The following TULP4 variants were observed in gnomAD, a reference collection of about 807,000 sequenced individuals.
The protein encoded by TULP4 is tubby-related protein 4.
TULP4 carries 16 observed loss-of-function variants against 129.0 expected under a neutral mutation model. The observed-to-expected ratio is 0.12, with a 90% CI of 0.08 to 0.19. TULP4 has a LOEUF of 0.19. TULP4 is among the 10% of genes least tolerant of loss of function. TULP4 has a pLI of 1.00. For missense variants in TULP4, 1,842 were observed against 2,059.1 expected (o/e 0.89, Z 2.04); for synonymous variants, 998 against 854.0 (o/e 1.17, Z -2.94).
At chr6:158,415,844 T>C (rs1403722986) in intron 2 of TULP4, among the ~76,000 whole-genome samples, 2 of 152,020 alleles carry the variant, frequency 1.3e-5, no homozygotes, top group Non-Finnish European at 2.9e-5. Flanking sequence ...AAAGGGAGTT[T>C]TTGAAGGAGA....
chr6:158,322,246 T>C (rs1404277645), intron 1 of TULP4, among the ~76,000 whole-genome samples: 1 of 152,240 alleles, frequency 6.6e-6, no homozygotes, highest in Admixed American at 6.5e-5. Context: ...AAAGTGACTT[T>C]TAGTAGATTT....
chr6:158,293,881 G>A (rs900641868), intron 1 of TULP4, among the ~76,000 whole-genome samples: 3 of 152,150 alleles, frequency 2.0e-5, no homozygotes, highest in East Asian at 1.9e-4. Flanking sequence ...GTTTCCCTGC[G>A]TTTGTCAATA....
At chr6:158,294,755 G>A (rs9346735) in intron 1 of TULP4, among the ~76,000 whole-genome samples, 52,649 of 151,354 alleles carry the variant, frequency 0.35, 9,720 homozygotes, top group Admixed American at 0.45. Flanking sequence ...TTTGAGACAG[G>A]GTCTGGCTCC....
intron 1 of TULP4, among the ~76,000 whole-genome samples, chr6:158,320,276 A>G (rs1278606807): frequency 1.3e-5 from 2 of 152,212 alleles, no homozygotes; most frequent in Non-Finnish European, 2.9e-5. Flanking sequence ...GTGGGCAGGT[A>G]TGTCAGGCAA....
At chr6:158,506,453 T>G (rs963741293) in intron 13 of TULP4, 125 bp from the exon 14 acceptor site, 6 of 732,466 alleles carry the variant, frequency 8.2e-6, no homozygotes, top group Middle Eastern at 2.9e-4. Flanking sequence ...GGGTGGTCTC[T>G]ATCTCCTGAC....
At chr6:158,378,975 A>T (rs781439069) in intron 1 of TULP4, among the ~76,000 whole-genome samples, 1 of 152,198 alleles carries the variant, frequency 6.6e-6, no homozygotes, top group African/African-American at 2.4e-5. Flanking sequence ...GAATGATGCC[A>T]CTTTAGAGCA....
At chr6:158,259,875 T>C (rs1362306148) in intron 1 of TULP4, among the ~76,000 whole-genome samples, 2 of 152,210 alleles carry the variant, frequency 1.3e-5, no homozygotes, top group African/African-American at 4.8e-5. Context: ...AAGAGACACA[T>C]AGGGCAAGAC....
At chr6:158,244,809 T>TA (rs1420816886) in intron 1 of TULP4, among the ~76,000 whole-genome samples, 1 of 152,100 alleles carries the variant, frequency 6.6e-6, no homozygotes, top group Non-Finnish European at 1.5e-5. Context: ...CTGGGCAACA[T>TA]AGCGAGACTT....
intron 6 of TULP4, among the ~76,000 whole-genome samples, chr6:158,471,955 AAC>A (rs1331205574): frequency 1.3e-5 from 2 of 152,120 alleles, no homozygotes; most frequent in Non-Finnish European, 2.9e-5. Flanking sequence ...CAAGTGCTGA[AAC>A]ACACTCAGCA....
chr6:158,243,847 G>GGTGTGTGT (rs57298904), intron 1 of TULP4, among the ~76,000 whole-genome samples: 2,309 of 143,560 alleles, frequency 0.016, 60 homozygotes, highest in African/African-American at 0.05. Context: ...AGCTGAAATA[G>GGTGTGTGT]GTGTGTGTGT....
At chr6:158,241,752 G>A (rs542312925) in intron 1 of TULP4, 4 of 423,200 alleles carry the variant, frequency 9.5e-6, no homozygotes, top group Admixed American at 7.1e-5. Flanking sequence ...GCACCATCAC[G>A]CCCAGCTAAT....
chr6:158,429,955 A>G, intron 3 of TULP4, 58 bp downstream of exon 3: 1 of 1,530,640 alleles, frequency 6.5e-7, no homozygotes, highest in South Asian at 1.3e-5. Context: ...GCTGGGAGGG[A>G]AGAAAGGGGC....
chr6:158,491,876 C>T (rs1263044053), intron 9 of TULP4, among the ~76,000 whole-genome samples: 2 of 141,596 alleles, frequency 1.4e-5, no homozygotes, highest in South Asian at 2.3e-4. Flanking sequence ...GTTGTTTTTT[C>T]GAGCTGGAGT....
At chr6:158,395,390 G>T (rs1777684125) in intron 1 of TULP4, among the ~76,000 whole-genome samples, 1 of 151,968 alleles carries the variant, frequency 6.6e-6, no homozygotes, top group African/African-American at 2.4e-5. Context: ...AGACCAGCCT[G>T]ACCAGCATGG....
intron 1 of TULP4, among the ~76,000 whole-genome samples, chr6:158,241,145 G>A (rs1430488583): frequency 2.9e-5 from 4 of 136,104 alleles, no homozygotes; most frequent in African/African-American, 1.0e-4. Flanking sequence ...CATCTCAGAC[G>A]ATGGGCGGCC....
At chr6:158,446,689 G>A (rs772988411) in intron 3 of TULP4, among the ~76,000 whole-genome samples, 3 of 152,168 alleles carry the variant, frequency 2.0e-5, no homozygotes, top group African/African-American at 2.4e-5. Flanking sequence ...TTAAACAACA[G>A]ACATTGAGTT....
At chr6:158,237,859 G>T in intron 1 of TULP4, 1 of 750,464 alleles carries the variant, frequency 1.3e-6, no homozygotes, top group Non-Finnish European at 2.5e-6. Context: ...CTCTGGATCT[G>T]CAAGTGAGTA....
rs374827236 is a variant in TULP4, at chr6:158,504,053, G to C, written c.4390G>C (p.Val1464Leu). 8 of 1,609,296 alleles carry C rather than the reference G, an allele frequency of 5.0e-6. No homozygotes were observed. In the South Asian group the frequency reaches 8.8e-5, roughly 18 times the overall value. ...CGGGCGGCTGGGCAGCCAAGGCTTCGTGTACGTGATGGCCAACAAGCAGCC... is the reference window on the plus strand; with the variant it reads ...CGGGCGGCTGGGCAGCCAAGGCTTCCTGTACGTGATGGCCAACAAGCAGCC... ...EDGRLGSQGFVYVMANKQPLW... is the reference protein window; with the variant it reads ...EDGRLGSQGFLYVMANKQPLW... The change falls in exon 13 of 14, where the codon GTG (valine) becomes CTG (leucine). Residue 1464 changes from valine to leucine, a missense_variant. Val to Leu is a conservative substitution (Grantham distance 32, BLOSUM62 1). Transcript: ENST00000367097.
At position 158,325,058 on chromosome 6, in the gene TULP4, G is replaced by A. The variant is rs554392346; in HGVS notation, c.252+10790G>A. Among the ~76,000 whole-genome samples the A allele has an allele frequency of 3.3e-5, 5 of 152,306 alleles. No homozygotes were observed. In the South Asian group the frequency reaches 1.0e-3, roughly 32 times the overall value. Reference sequence around the variant, plus strand: ...AATAAATGTTTGTGGCATGAAAGAAGACAGTGCTTTTGGTTTGGGCCGTAT... The same window carrying A: ...AATAAATGTTTGTGGCATGAAAGAAAACAGTGCTTTTGGTTTGGGCCGTAT... On this transcript the variant is annotated intron_variant, in intron 1 of 13. Transcript: ENST00000367097.
Sources: allele counts gnomAD v4.1 joint callset (sites outside exome capture counted in the v4.1 genomes callset), GRCh38; gene constraint gnomAD v4.1.1; transcripts MANE v1.5; gene names NCBI Gene and HGNC (gene_info 2026-07-23, HGNC 2026-07-21).